The following NFIX variants were observed in gnomAD, a reference collection of about 807,000 sequenced individuals.
NFIX encodes nuclear factor I X.
Under a neutral mutation model 53.3 loss-of-function variants are expected in NFIX, and 2 were observed. The ratio of observed to expected loss-of-function variants is 0.04; its 90% confidence interval spans 0.02 to 0.12. The LOEUF is 0.12. Ranked by LOEUF, NFIX falls within the 10% of genes least tolerant of loss-of-function variation. The pLI is 1.00. For missense variants in NFIX, 310 were observed against 674.5 expected (o/e 0.46, Z 5.99); for synonymous variants, 244 against 289.0 (o/e 0.84, Z 1.58).
chr19:13,081,614 C>T lies in NFIX; in HGVS notation c.1079-66C>T, dbSNP rs1314871542. 1 of 1,540,156 alleles carries T rather than the reference C, an allele frequency of 6.5e-7. No individual in the cohort carries two copies. The highest frequency in any genetic ancestry group is 8.8e-7 in the Non-Finnish European group (1 of 1,135,922). On this transcript the variant is annotated intron_variant, in intron 7 of 10. Coordinates refer to ENST00000592199, the MANE Select transcript of NFIX (RefSeq NM_001365902.3). This position sits in a 1 kb window ranked among gnomAD's most constrained non-coding sequence, Gnocchi z 4.7. ...CTCTGACCGGCAGCTCCCCTCCTCT[C>T]CTGTCCCTCCCACTGGCTGCCTCCT...
chr19:13,058,846 T>C (rs574189040), intron 2 of NFIX, among the ~76,000 whole-genome samples: 2 of 151,932 alleles, frequency 1.3e-5, no homozygotes, highest in East Asian at 3.9e-4. Flanking sequence ...GAGGGGTAGG[T>C]CTGAGAAAAG....
chr19:13,094,021 A>G lies in NFIX; in HGVS notation c.1495-614A>G, dbSNP rs151187830. ...CCAGGGAGCCTCAAGTCCTTCCTCA[A>G]TGTCTGGTGCCCTGAGGGTAGAGGA... is the stretch of plus-strand genomic sequence containing the variant. On this transcript the variant is annotated intron_variant, in intron 10 of 10. Coordinates refer to ENST00000592199, the MANE Select transcript of NFIX (RefSeq NM_001365902.3). This position sits in a 1 kb window ranked among gnomAD's most constrained non-coding sequence, Gnocchi z 4.3. 0.04 allele frequency among the ~76,000 whole-genome samples: 6,044 copies of G among 152,152 alleles called. 133 individuals carry two copies. Among genetic ancestry groups the G allele is most frequent in the Middle Eastern group, 0.082 (24 of 294 alleles).
chr19:13,097,957 G>GCA lies in NFIX; in HGVS notation c.*3310_*3311dup, dbSNP rs2018561980. The stretch of plus-strand genomic sequence containing the variant: ...GATTTGCCCAGGCCCGCGCCCGCAC[G>GCA]CACGCACGCACACGGCCCCGCACAC... On this transcript the variant is annotated 3_prime_UTR_variant, in exon 11 of 11. Transcript: ENST00000592199. 2 of 154,096 alleles carry GCA rather than the reference G, an allele frequency of 1.3e-5. No homozygotes were observed. Among genetic ancestry groups the GCA allele is most frequent in the Non-Finnish European group, 2.9e-5 (2 of 69,690 alleles). The allele number at this position is 154,096 out of a possible 1,614,324, so 9.5% of individuals were successfully genotyped here. A position where few individuals can be genotyped will look rare whatever the true frequency, so the allele number is the denominator to read the frequency against.
chr19:13,007,968 A>G (rs1422202445), intron 1 of NFIX, among the ~76,000 whole-genome samples: 7 of 152,150 alleles, frequency 4.6e-5, no homozygotes, highest in Non-Finnish European at 1.0e-4. Flanking sequence ...CTGTGCCTAC[A>G]GAGACACAGA....
rs541485483 is a variant in NFIX, at chr19:13,093,535, C to G, written c.1495-1100C>G. Among the ~76,000 whole-genome samples, 9 of 152,338 alleles carry G rather than the reference C, an allele frequency of 5.9e-5. No individual in the cohort carries two copies. Among genetic ancestry groups the G allele is most frequent in the Admixed American group, 6.5e-5 (1 of 15,310 alleles). On this transcript the variant is annotated intron_variant, in intron 10 of 10. Transcript: ENST00000592199. This position sits in a 1 kb window ranked among gnomAD's most constrained non-coding sequence, Gnocchi z 4.7. Reference sequence around the variant, plus strand: ...CAGTTAGGAGCACAGCCTGCACTGCCCCTTACATTTGAACCCTGGCTCTGT... The same window carrying G: ...CAGTTAGGAGCACAGCCTGCACTGCGCCTTACATTTGAACCCTGGCTCTGT...
chr19:13,016,259 C>T (rs535444003), intron 1 of NFIX, among the ~76,000 whole-genome samples: 1 of 152,274 alleles, frequency 6.6e-6, no homozygotes, highest in South Asian at 2.1e-4. Context: ...TTTGCTTAGT[C>T]CTTCCTGCTA....
rs2017917600 is a variant in NFIX at position 13,088,359 on chromosome 19, CG to C, written c.1402+227del. ...GAGCCCCCTGCCCGCTGCTCCCAGC[CG>C]GGGCCCCTGGCCCAGGCCCCTCTGG... On this transcript the variant is annotated intron_variant, in intron 9 of 10. Transcript: ENST00000592199. This position sits in a 1 kb window ranked among gnomAD's most constrained non-coding sequence, Gnocchi z 5.9. 6.6e-6 allele frequency among the ~76,000 whole-genome samples: 1 copy of C among 152,116 alleles called. No individual in the cohort carries two copies. Among genetic ancestry groups the C allele is most frequent in the African/African-American group, 2.4e-5 (1 of 41,430 alleles).
rs1339765594 is a variant in NFIX at position 13,006,636 on chromosome 19, T to C, written c.27+10772T>C. On this transcript the variant is annotated intron_variant, in intron 1 of 10. Transcript: ENST00000592199. The surrounding 1 kb of genome is among the most constrained non-coding windows in gnomAD (Gnocchi z 5.6). ...CTGGGTTTATTTTTACCCCAGCCTG[T>C]CACCCTGGCAGTACCAGGCTGCGCC... is the stretch of plus-strand genomic sequence containing the variant. Among the ~76,000 whole-genome samples, 1 of 152,164 alleles carries C rather than the reference T, an allele frequency of 6.6e-6. No individual in the cohort carries two copies. The highest frequency in any genetic ancestry group is 1.5e-5 in the Non-Finnish European group (1 of 68,016).
At position 13,073,602 on chromosome 19, in the gene NFIX, A is replaced by G; in HGVS notation, c.697+106A>G. 1.9e-6 allele frequency: 2 copies of G among 1,045,214 alleles called. No homozygotes were observed. The highest frequency in any genetic ancestry group is 2.7e-5 in the South Asian group (2 of 75,404). The allele number at this position is 1,045,214 out of a possible 1,614,324, so 64.7% of individuals were successfully genotyped here. A position where few individuals can be genotyped will look rare whatever the true frequency, so the allele number is the denominator to read the frequency against. ...GGTCTTAGGGCAGGTGGATGGGAACAGATGCTTTCTGGGACACTCTCGGCT... is the reference window on the plus strand; with the variant it reads ...GGTCTTAGGGCAGGTGGATGGGAACGGATGCTTTCTGGGACACTCTCGGCT... On this transcript the variant is annotated intron_variant, in intron 4 of 10. Coordinates refer to ENST00000592199, the MANE Select transcript of NFIX (RefSeq NM_001365902.3). The surrounding 1 kb of genome is among the most constrained non-coding windows in gnomAD (Gnocchi z 4.5).
chr19:13,094,662 A>G lies in NFIX; in HGVS notation c.*13A>G, dbSNP rs1303268318. 6.5e-7 allele frequency: 1 copy of G among 1,535,924 alleles called. No homozygotes were observed. The highest frequency in any genetic ancestry group is 8.7e-7 in the Non-Finnish European group (1 of 1,146,594). ...CTGGTTCCTCTGATAAGATCGACAA[A>G]AGAAACAACAAAATGAGAAGAAGAG... On this transcript the variant is annotated 3_prime_UTR_variant, in exon 11 of 11. Transcript: ENST00000592199. This position sits in a 1 kb window ranked among gnomAD's most constrained non-coding sequence, Gnocchi z 4.3.
At chr19:13,087,893 G>T (rs2017880581) in intron 8 of NFIX, 96 bp from the exon 9 acceptor site, 4 of 1,412,458 alleles carry the variant, frequency 2.8e-6, no homozygotes, top group Non-Finnish European at 3.8e-6. Context: ...CACCGGGAGC[G>T]CCCGCTCTCA....
chr19:13,029,980 C>T (rs577051572), intron 2 of NFIX, among the ~76,000 whole-genome samples: 1 of 152,294 alleles, frequency 6.6e-6, no homozygotes, highest in African/African-American at 2.4e-5. Flanking sequence ...GATGCCCAAC[C>T]CGACTGTTGG....
chr19:13,033,861 C>T lies in NFIX; in HGVS notation c.559+8309C>T, dbSNP rs117723452. On this transcript the variant is annotated intron_variant, in intron 2 of 10. Transcript: ENST00000592199. ...TAGAAGACGACCTACTTGACCTGCA[C>T]CTTGAAAGACAGTGAGGAATTAGCT... Among the ~76,000 whole-genome samples, 18 of 152,338 alleles carry T rather than the reference C, an allele frequency of 1.2e-4. No homozygotes were observed. In the East Asian group the frequency reaches 3.5e-3, roughly 29 times the overall value.
At chr19:13,077,144 G>A (rs1188544800) in intron 6 of NFIX, among the ~76,000 whole-genome samples, 1 of 152,134 alleles carries the variant, frequency 6.6e-6, no homozygotes, top group Admixed American at 6.5e-5. Context: ...GGGGTGCATA[G>A]AGGACTGTGT....
In NFIX at chr19:13,082,000, G is replaced by A. The variant is rs2017499238; in HGVS notation, c.1254+145G>A. On this transcript the variant is annotated intron_variant, in intron 8 of 10. Coordinates refer to ENST00000592199, the MANE Select transcript of NFIX (RefSeq NM_001365902.3). This position sits in a 1 kb window ranked among gnomAD's most constrained non-coding sequence, Gnocchi z 4.7. ...GGGAGCTGGTAGTACCAAACGCCTC[G>A]ATTTTCTGGGTCTGGGGACGGGGGT... 17 of 868,680 alleles carry A rather than the reference G, an allele frequency of 2.0e-5. No individual in the cohort carries two copies. The highest frequency in any genetic ancestry group is 5.3e-5 in the East Asian group (2 of 37,532). The allele number at this position is 868,680 out of a possible 1,614,324, so 53.8% of individuals were successfully genotyped here.
chr19:12,996,679 A>G lies in NFIX; in HGVS notation c.27+815A>G, dbSNP rs1452827538. ...CGGAGTGGACCCGGCAGGCCTGGGG[A>G]ATCCCGTCCCGTCGCCTGGAGGCGG... On this transcript the variant is annotated intron_variant, in intron 1 of 10. Coordinates refer to ENST00000592199, the MANE Select transcript of NFIX (RefSeq NM_001365902.3). The surrounding 1 kb of genome is among the most constrained non-coding windows in gnomAD (Gnocchi z 5.2). 6.6e-6 allele frequency among the ~76,000 whole-genome samples: 1 copy of G among 152,030 alleles called. No individual in the cohort carries two copies. The highest frequency in any genetic ancestry group is 1.9e-4 in the East Asian group (1 of 5,172).
Position 13,090,956 on chromosome 19 carries a change from A to C in NFIX, c.1494+566A>C, listed in dbSNP as rs560197110. ...AGAAGGCCAGCATGCTGGAGACCTCATCCTTGCTCCTATCCCCTGCTGACA... is the reference window on the plus strand; with the variant it reads ...AGAAGGCCAGCATGCTGGAGACCTCCTCCTTGCTCCTATCCCCTGCTGACA... On this transcript the variant is annotated intron_variant, in intron 10 of 10. Coordinates refer to ENST00000592199, the MANE Select transcript of NFIX (RefSeq NM_001365902.3). This position sits in a 1 kb window ranked among gnomAD's most constrained non-coding sequence, Gnocchi z 6.6. Among the ~76,000 whole-genome samples, 219 of 152,260 alleles carry C rather than the reference A, an allele frequency of 1.4e-3. No homozygotes were observed. The highest frequency in any genetic ancestry group is 5.0e-3 in the African/African-American group (209 of 41,552).
chr19:13,020,027 T>G (rs1205125080), intron 1 of NFIX, among the ~76,000 whole-genome samples: 1 of 151,880 alleles, frequency 6.6e-6, no homozygotes, highest in Non-Finnish European at 1.5e-5. Flanking sequence ...GCATGTCCCC[T>G]TGCTCTTTCC....
rs1335654038 is a variant in NFIX at position 13,001,861 on chromosome 19, G to A, written c.27+5997G>A. Among the ~76,000 whole-genome samples the A allele has an allele frequency of 3.3e-5, 5 of 152,242 alleles. No individual in the cohort carries two copies. The highest frequency in any genetic ancestry group is 9.6e-5 in the African/African-American group (4 of 41,468). ...TGGCTGCTCAGTCCCTTCCCATGAG[G>A]TTGAGCGGCCGCAGTGGCCTTGCTG... On this transcript the variant is annotated intron_variant, in intron 1 of 10. Transcript: ENST00000592199. This position sits in a 1 kb window ranked among gnomAD's most constrained non-coding sequence, Gnocchi z 6.5.
Sources: gnomAD v4.1 joint callset for allele counts (sites outside exome capture counted in the v4.1 genomes callset) on GRCh38, gnomAD v4.1.1 for gene constraint, Gnocchi (gnomAD v3.1) non-coding constraint, MANE v1.5 for transcripts, NCBI Gene and HGNC (gene_info 2026-07-23, HGNC 2026-07-21) for gene names.